Variants in ATE1 observed in about 807,000 individuals in gnomAD.
The protein encoded by ATE1 is arginyltransferase 1.
Under a neutral mutation model 70.5 loss-of-function variants are expected in ATE1, and 36 were observed. The observed-to-expected ratio is 0.51, with a 90% CI of 0.39 to 0.67. ATE1 has a LOEUF of 0.67. Ranked by LOEUF, ATE1 falls within the 30% of genes least tolerant of loss-of-function variation. The pLI is 0.00. For missense variants in ATE1, 593 were observed against 629.5 expected (o/e 0.94, Z 0.62); for synonymous variants, 232 against 219.3 (o/e 1.06, Z -0.51).
intron 10 of ATE1, among the ~76,000 whole-genome samples, chr10:121,819,724 G>A (rs1947714569): frequency 6.8e-6 from 1 of 146,758 alleles, no homozygotes; most frequent in Non-Finnish European, 1.5e-5. Flanking sequence ...TGGGTACAGT[G>A]TACGCTGCTT....
intron 8 of ATE1, among the ~76,000 whole-genome samples, chr10:121,843,599 G>A (rs1948710401): frequency 6.6e-6 from 1 of 152,072 alleles, no homozygotes; most frequent in Non-Finnish European, 1.5e-5. Flanking sequence ...CATAGGTCAA[G>A]GTCAATGAGA....
At chr10:121,761,110 C>T (rs993451826) in intron 11 of ATE1, among the ~76,000 whole-genome samples, 4 of 152,198 alleles carry the variant, frequency 2.6e-5, no homozygotes, top group African/African-American at 9.7e-5. Context: ...TCCTCTCTTG[C>T]CATGTGATCC....
chr10:121,910,828 T>C lies in ATE1; in HGVS notation c.583+78A>G, dbSNP rs541094721. ...ACGACTAAGTCATCCTTTTGGCTGATGGAAAGACCCAGGGTTTAAAATGAC... is the reference window on the plus strand; with the variant it reads ...ACGACTAAGTCATCCTTTTGGCTGACGGAAAGACCCAGGGTTTAAAATGAC... On this transcript the variant is annotated intron_variant, in intron 5 of 11. Transcript: ENST00000224652. The C allele has an allele frequency of 1.8e-3, 2,904 of 1,590,770 alleles. 8 individuals are homozygous for C. Among genetic ancestry groups the C allele is most frequent in the Non-Finnish European group, 2.2e-3 (2,610 of 1,167,976 alleles).
At chr10:121,832,616 C>T (rs1948283872) in intron 10 of ATE1, among the ~76,000 whole-genome samples, 1 of 152,220 alleles carries the variant, frequency 6.6e-6, no homozygotes, top group African/African-American at 2.4e-5. Context: ...GCATCTTCCT[C>T]ATTTTCTCTT....
chr10:121,924,821 A>G (rs1952023683), intron 1 of ATE1, among the ~76,000 whole-genome samples: 1 of 151,394 alleles, frequency 6.6e-6, no homozygotes, highest in Admixed American at 6.6e-5. Flanking sequence ...ACAAATAAAG[A>G]ATGACACTAT....
intron 11 of ATE1, among the ~76,000 whole-genome samples, chr10:121,779,784 T>G (rs1945903034): frequency 6.6e-6 from 1 of 152,182 alleles, no homozygotes; most frequent in Non-Finnish European, 1.5e-5. Context: ...TAACTTTCAC[T>G]CTATTTTTAA....
chr10:121,905,199 C>G (rs754039895), intron 5 of ATE1, among the ~76,000 whole-genome samples: 7 of 152,174 alleles, frequency 4.6e-5, no homozygotes, highest in Non-Finnish European at 1.0e-4. Context: ...GAGTTAATAC[C>G]TGTGCAGCTC....
chr10:121,899,876 G>T lies in ATE1; in HGVS notation c.932C>A (p.Thr311Asn). The T allele has an allele frequency of 1.2e-6, 2 of 1,612,212 alleles. No individual in the cohort carries two copies. The highest frequency in any genetic ancestry group is 1.7e-6 in the Non-Finnish European group (2 of 1,178,866). Residue 311 changes from threonine to asparagine, a missense_variant, in exon 7 of 12, where the codon ACC (threonine) becomes AAC (asparagine). This residue lies in a region of ATE1 where 467 missense variants were observed against 469.6 expected (regional missense o/e 0.99). Coordinates refer to ENST00000224652, the MANE Select transcript of ATE1 (RefSeq NM_001001976.3). ...VIHKNPPDTPTESQFTRFLCS... is the reference protein window; with the variant it reads ...VIHKNPPDTPNESQFTRFLCS... The stretch of plus-strand genomic sequence containing the variant: ...ACTTGGCCTGCTGACCTGGCTTTCG[G>T]TTGGCGTATCAGGTGGGTTCTTGTG...
At chr10:121,770,543 T>A (rs2132908) in intron 11 of ATE1, among the ~76,000 whole-genome samples, 1 of 151,982 alleles carries the variant, frequency 6.6e-6, no homozygotes, top group African/African-American at 2.4e-5. Flanking sequence ...TTAAAACTAT[T>A]TGCTTTTGAG....
At chr10:121,836,864 TA>T (rs766216189) in intron 9 of ATE1, 47 bp from the exon 10 acceptor site, 3 of 1,175,138 alleles carry the variant, frequency 2.6e-6, no homozygotes, top group African/African-American at 1.5e-5. Context: ...ATTCTGGTTC[TA>T]ATGTACAAAT....
intron 11 of ATE1, among the ~76,000 whole-genome samples, chr10:121,747,709 T>C (rs1057114698): frequency 6.6e-6 from 1 of 152,236 alleles, no homozygotes; most frequent in African/African-American, 2.4e-5. Context: ...TTGGTGTTCC[T>C]GCTTAGATCC....
intron 11 of ATE1, among the ~76,000 whole-genome samples, chr10:121,750,450 A>G (rs887857392): frequency 6.6e-6 from 1 of 152,270 alleles, no homozygotes; most frequent in African/African-American, 2.4e-5. Context: ...TGAGATGAGC[A>G]TTTGATCACT....
chr10:121,852,401 T>G (rs1949088048), intron 8 of ATE1, among the ~76,000 whole-genome samples: 1 of 148,502 alleles, frequency 6.7e-6, no homozygotes, highest in South Asian at 2.1e-4. Flanking sequence ...CTGTTTTGCT[T>G]TTTTATTTTT....
rs752910094 is a variant in ATE1, at chr10:121,790,274, A to G, written c.1273T>C (p.Ser425Pro). Reference protein sequence around the residue: ...KMKYKGQYRPSDLLCPETYVW... With the variant: ...KMKYKGQYRPPDLLCPETYVW... ...TATGTCTCAGGGCACAGCAAATCAG[A>G]AGGTCTATACTGACCCTGAAGAAAA... is the stretch of plus-strand genomic sequence containing the variant. Residue 425 changes from serine to proline, a missense_variant, in exon 11 of 12, where the codon TCT becomes CCT. Around this residue, in one of 3 missense-constraint regions of ATE1, gnomAD observed 36 missense variants for 66.3 expected, o/e 0.54. Transcript: ENST00000224652. The G allele has an allele frequency of 6.2e-7, 1 of 1,614,092 alleles. No homozygotes were observed.
intron 7 of ATE1, among the ~76,000 whole-genome samples, chr10:121,889,502 A>G (rs763468649): frequency 1.4e-4 from 22 of 152,158 alleles, no homozygotes; most frequent in Non-Finnish European, 2.6e-4. Flanking sequence ...TCATCTATAA[A>G]AGCTATTTTC....
chr10:121,791,084 G>GCA (rs1564840967), intron 10 of ATE1, among the ~76,000 whole-genome samples: 3 of 104,204 alleles, frequency 2.9e-5, no homozygotes, highest in Non-Finnish European at 6.3e-5. Context: ...GTGTGTGTGT[G>GCA]TGTGTATATA....
At chr10:121,745,615 T>C (rs1012613897) in intron 11 of ATE1, among the ~76,000 whole-genome samples, 1 of 152,156 alleles carries the variant, frequency 6.6e-6, no homozygotes, top group Non-Finnish European at 1.5e-5. Flanking sequence ...TAGTCCCAGC[T>C]ACTCAGGAGG....
intron 7 of ATE1, 34 bp from the exon 8 acceptor site, chr10:121,870,072 CA>C (rs1230753045): frequency 9.4e-6 from 15 of 1,595,330 alleles, no homozygotes; most frequent in Non-Finnish European, 1.3e-5. Flanking sequence ...CCATTTCATC[CA>C]GTAAACAGAC....
intron 7 of ATE1, among the ~76,000 whole-genome samples, chr10:121,874,943 A>C (rs1353290971): frequency 6.6e-6 from 1 of 151,542 alleles, no homozygotes; most frequent in South Asian, 2.1e-4. Context: ...GATCGAGACC[A>C]TCCTGGCTAA....
Sources: allele counts gnomAD v4.1 joint callset (sites outside exome capture counted in the v4.1 genomes callset), GRCh38; gene constraint gnomAD v4.1.1; regional missense constraint gnomAD v4.1.1; transcripts MANE v1.5; gene names NCBI Gene and HGNC (gene_info 2026-07-23, HGNC 2026-07-21).